Variants in VSNL1 observed in about 807,000 individuals in gnomAD.
VSNL1 encodes the protein visinin like 1, also known as visinin-like protein 1.
Under a neutral mutation model 20.4 loss-of-function variants are expected in VSNL1, and 6 were observed. The ratio of observed to expected loss-of-function variants is 0.29; its 90% CI spans 0.16 to 0.58. The LOEUF is 0.58. VSNL1 is among the 20% of genes least tolerant of loss of function. The pLI, the probability that VSNL1 is intolerant of heterozygous loss-of-function variation, is 0.90. For synonymous variants in VSNL1, 93 were observed against 86.4 expected (o/e 1.08, Z -0.42); for missense variants, 100 against 234.5 (o/e 0.43, Z 3.75).
At chr2:17,617,889 G>GCA (rs70961501) in intron 2 of VSNL1, among the ~76,000 whole-genome samples, 44,138 of 149,634 alleles carry the variant, frequency 0.29, 6,785 homozygotes, top group Middle Eastern at 0.49. Flanking sequence ...ACATGCACGC[G>GCA]CACACACACA....
At chr2:17,608,717 G>T (rs187196093) in intron 2 of VSNL1, among the ~76,000 whole-genome samples, 39 of 152,258 alleles carry the variant, frequency 2.6e-4, no homozygotes, top group African/African-American at 8.9e-4. Flanking sequence ...TGGGGATTCT[G>T]GTTGACAGAG....
chr2:17,600,455 A>G (rs1190680694), intron 2 of VSNL1, among the ~76,000 whole-genome samples: 4 of 152,226 alleles, frequency 2.6e-5, no homozygotes, highest in African/African-American at 9.7e-5. Context: ...CTGTGGCATC[A>G]AGAATTTTCT....
intron 1 of VSNL1, among the ~76,000 whole-genome samples, chr2:17,578,524 C>T (rs1168234117): frequency 6.6e-6 from 1 of 152,186 alleles, no homozygotes; most frequent in Admixed American, 6.5e-5. Flanking sequence ...ATAACTACTC[C>T]AAGTGAAAGT....
intron 1 of VSNL1, among the ~76,000 whole-genome samples, chr2:17,552,149 G>A (rs2103340009): frequency 6.9e-6 from 1 of 144,684 alleles, no homozygotes; most frequent in South Asian, 2.2e-4. Context: ...GCAGTGAGTC[G>A]AGATTGCGCC....
chr2:17,570,590 A>G (rs554599035), intron 1 of VSNL1, among the ~76,000 whole-genome samples: 1 of 152,378 alleles, frequency 6.6e-6, no homozygotes, highest in African/African-American at 2.4e-5. Context: ...AATAAACCAT[A>G]AAAGTAGATA....
chr2:17,583,310 T>C (rs1183400788), intron 1 of VSNL1, among the ~76,000 whole-genome samples: 1 of 152,220 alleles, frequency 6.6e-6, no homozygotes, highest in Non-Finnish European at 1.5e-5. Flanking sequence ...TGCTCTTCTC[T>C]CTCGGCAGCT....
chr2:17,652,238 T>G (rs1313156224), intron 3 of VSNL1, among the ~76,000 whole-genome samples: 2 of 152,200 alleles, frequency 1.3e-5, no homozygotes, highest in South Asian at 4.2e-4. Flanking sequence ...GGCAACCTGA[T>G]GTTTAGAGGT....
At chr2:17,627,126 C>T (rs1276281163) in intron 2 of VSNL1, among the ~76,000 whole-genome samples, 2 of 152,234 alleles carry the variant, frequency 1.3e-5, no homozygotes, top group African/African-American at 2.4e-5. Context: ...ACCCCCATCT[C>T]ACCACATCAC....
intron 2 of VSNL1, among the ~76,000 whole-genome samples, chr2:17,616,236 A>G (rs990732927): frequency 6.6e-6 from 1 of 152,198 alleles, no homozygotes; most frequent in South Asian, 2.1e-4. Context: ...CTCCCTTGGG[A>G]GGCTGTGGTG....
rs938620122 is a variant in VSNL1, at chr2:17,634,023, A to T, written c.163-15387A>T. Among the ~76,000 whole-genome samples, 4 of 152,184 alleles carry T rather than the reference A, an allele frequency of 2.6e-5. No homozygotes were observed. The highest frequency in any genetic ancestry group is 4.8e-5 in the African/African-American group (2 of 41,438). ...GTGTCTGAGGAGGTGAGGGTGGTGG[A>T]GAAATGAAGCTGGAGAGGTTTGCAG... On this transcript the variant is annotated intron_variant, in intron 2 of 3. Coordinates refer to ENST00000295156, the MANE Select transcript of VSNL1 (RefSeq NM_003385.5). The surrounding 1 kb of genome is among the most constrained non-coding windows in gnomAD (Gnocchi z 4.3).
intron 2 of VSNL1, among the ~76,000 whole-genome samples, chr2:17,616,989 C>T (rs1411120285): frequency 3.3e-5 from 5 of 152,136 alleles, no homozygotes; most frequent in Non-Finnish European, 5.9e-5. Context: ...GGGGGTTGGC[C>T]GTACAGTGAA....
At chr2:17,615,692 C>A (rs1174900022) in intron 2 of VSNL1, among the ~76,000 whole-genome samples, 1 of 152,230 alleles carries the variant, frequency 6.6e-6, no homozygotes, top group East Asian at 1.9e-4. Flanking sequence ...CTGAGATTCT[C>A]TTGGTCTCTC....
intron 1 of VSNL1, among the ~76,000 whole-genome samples, chr2:17,554,108 A>G (rs1470282328): frequency 6.6e-6 from 1 of 152,204 alleles, no homozygotes; most frequent in Non-Finnish European, 1.5e-5. Flanking sequence ...ATGACAGTAT[A>G]CTGCTTATGA....
intron 2 of VSNL1, among the ~76,000 whole-genome samples, chr2:17,598,660 A>G (rs1461827490): frequency 1.3e-5 from 2 of 152,224 alleles, no homozygotes; most frequent in East Asian, 3.8e-4. Flanking sequence ...AAAATTTTAT[A>G]TATAAACTCT....
At chr2:17,654,575 T>C (rs1231721607) in intron 3 of VSNL1, among the ~76,000 whole-genome samples, 1 of 152,192 alleles carries the variant, frequency 6.6e-6, no homozygotes, top group African/African-American at 2.4e-5. Context: ...AATCTCACCA[T>C]TGAGCCACCC....
At chr2:17,561,401 G>T (rs928268661) in intron 1 of VSNL1, among the ~76,000 whole-genome samples, 8 of 152,124 alleles carry the variant, frequency 5.3e-5, no homozygotes, top group African/African-American at 1.9e-4. Context: ...TGAAAAACTG[G>T]AGCTTCTTAA....
chr2:17,597,428 A>T (rs1038395460), intron 2 of VSNL1, among the ~76,000 whole-genome samples: 1 of 152,074 alleles, frequency 6.6e-6, no homozygotes, highest in Admixed American at 6.5e-5. Context: ...GGGTTGTTCT[A>T]TTGGGCTCTG....
rs1373965897 is a variant in VSNL1, at chr2:17,634,531, G to T, written c.163-14879G>T. 1.3e-5 allele frequency among the ~76,000 whole-genome samples: 2 copies of T among 152,170 alleles called. No individual in the cohort carries two copies. Among genetic ancestry groups the T allele is most frequent in the Admixed American group, 6.5e-5 (1 of 15,284 alleles). On this transcript the variant is annotated intron_variant, in intron 2 of 3. Transcript: ENST00000295156. This position sits in a 1 kb window ranked among gnomAD's most constrained non-coding sequence, Gnocchi z 4.3. The stretch of plus-strand genomic sequence containing the variant: ...GGCAATGTGTGACATTTCCCAAGGT[G>T]CAGACAATGCCCTGCGATGTGTTTG...
At position 17,640,554 on chromosome 2, in the gene VSNL1, C is replaced by T. The variant is rs141756397; in HGVS notation, c.163-8856C>T. On this transcript the variant is annotated intron_variant, in intron 2 of 3. Coordinates refer to ENST00000295156, the MANE Select transcript of VSNL1 (RefSeq NM_003385.5). ...GGAGAAGTTAAAGATATTGCAGTAACGCAGGACAGGAATACATTTAGGAGA... is the reference window on the plus strand; with the variant it reads ...GGAGAAGTTAAAGATATTGCAGTAATGCAGGACAGGAATACATTTAGGAGA... Among the ~76,000 whole-genome samples, 366 of 152,280 alleles carry T rather than the reference C, an allele frequency of 2.4e-3. 3 individuals carry two copies. The highest frequency in any genetic ancestry group is 0.016 in the Admixed American group (248 of 15,304).
Sources: gnomAD v4.1 joint callset for allele counts (sites outside exome capture counted in the v4.1 genomes callset) on GRCh38, gnomAD v4.1.1 for gene constraint, Gnocchi (gnomAD v3.1) non-coding constraint, MANE v1.5 for transcripts, NCBI Gene and HGNC (gene_info 2026-07-23, HGNC 2026-07-21) for gene names.